GRID1: variants seen among roughly 807,000 people sequenced by gnomAD.
GRID1 encodes glutamate ionotropic receptor delta type subunit 1.
GRID1 carries 28 observed loss-of-function variants against 98.0 expected under a neutral mutation model. That is an observed-to-expected ratio of 0.29 (90% CI 0.21 to 0.39). GRID1 has a LOEUF of 0.39. Among genes scored for constraint, GRID1 ranks in the 10% least tolerant of loss-of-function variants. The pLI, the probability that GRID1 is intolerant of heterozygous loss-of-function variation, is 1.00. For missense variants in GRID1, 1,111 were observed against 1,340.5 expected (o/e 0.83, Z 2.67); for synonymous variants, 553 against 538.5 (o/e 1.03, Z -0.37).
At chr10:86,205,307 G>T (rs1203325762) in intron 3 of GRID1, among the ~76,000 whole-genome samples, 1 of 152,192 alleles carries the variant, frequency 6.6e-6, no homozygotes, top group African/African-American at 2.4e-5. Context: ...CAGCCGTGGG[G>T]CTGCCAACCC....
At chr10:85,786,416 T>A (rs1842429696) in intron 8 of GRID1, among the ~76,000 whole-genome samples, 1 of 152,204 alleles carries the variant, frequency 6.6e-6, no homozygotes, top group African/African-American at 2.4e-5. Flanking sequence ...CACTAAACTC[T>A]AGCATTGATG....
At chr10:86,062,388 G>T (rs549351844) in intron 4 of GRID1, among the ~76,000 whole-genome samples, 7 of 152,048 alleles carry the variant, frequency 4.6e-5, no homozygotes, top group African/African-American at 1.4e-4. Flanking sequence ...CCCGGAGCTC[G>T]GTCTGACATC....
intron 8 of GRID1, among the ~76,000 whole-genome samples, chr10:85,779,797 T>G (rs1447474806): frequency 3.3e-5 from 5 of 152,096 alleles, no homozygotes; most frequent in Non-Finnish European, 5.9e-5. Flanking sequence ...AATGCAGCCC[T>G]GTGGAGATGA....
At chr10:86,110,560 C>A (rs1844465484) in intron 4 of GRID1, among the ~76,000 whole-genome samples, 1 of 152,152 alleles carries the variant, frequency 6.6e-6, no homozygotes, top group Non-Finnish European at 1.5e-5. Flanking sequence ...ACCCAGAAGC[C>A]TGGGGCTCAC....
rs1476225103 is a variant in GRID1 at position 86,023,656 on chromosome 10, C to G, written c.727-107417G>C. ...CCCAGCATGCCCAAGGCCAGACTCA[C>G]CACCTCCCCCTGACCAAACACATTC... On this transcript the variant is annotated intron_variant, in intron 4 of 15. Coordinates refer to ENST00000327946, the MANE Select transcript of GRID1 (RefSeq NM_017551.3). Among the ~76,000 whole-genome samples the G allele has an allele frequency of 4.6e-5, 7 of 152,264 alleles. No homozygotes were observed. In the East Asian group the frequency reaches 1.4e-3, roughly 29 times the overall value.
intron 12 of GRID1, among the ~76,000 whole-genome samples, chr10:85,679,479 A>C (rs1454484035): frequency 6.6e-6 from 1 of 152,216 alleles, no homozygotes; most frequent in African/African-American, 2.4e-5. Context: ...GCTGTTCCTC[A>C]ACCCAACCTA....
chr10:86,046,973 C>T (rs1367379297), intron 4 of GRID1, among the ~76,000 whole-genome samples: 3 of 152,160 alleles, frequency 2.0e-5, no homozygotes, highest in Non-Finnish European at 4.4e-5. Flanking sequence ...ACATGCGCTC[C>T]CCCAGCTCTC....
intron 3 of GRID1, among the ~76,000 whole-genome samples, chr10:86,170,188 C>G (rs1027345469): frequency 1.3e-5 from 2 of 152,206 alleles, no homozygotes; most frequent in African/African-American, 4.8e-5. Flanking sequence ...GTGGCTCTGG[C>G]CCAGCCCACA....
rs145235651 is a variant in GRID1, at chr10:85,781,842, C to T, written c.1234-52228G>A. On this transcript the variant is annotated intron_variant, in intron 8 of 15. Coordinates refer to ENST00000327946, the MANE Select transcript of GRID1 (RefSeq NM_017551.3). ...AACCAAAAACTAGTTCAAGATCACA[C>T]AGTCAGTAACTTGCTGGGCCTGGAT... is the stretch of plus-strand genomic sequence containing the variant. Among the ~76,000 whole-genome samples the T allele has an allele frequency of 1.9e-3, 283 of 150,932 alleles. 2 individuals carry two copies. The highest frequency in any genetic ancestry group is 5.7e-3 in the African/African-American group (233 of 41,186).
intron 2 of GRID1, among the ~76,000 whole-genome samples, chr10:86,319,893 TA>T (rs1847946744): frequency 6.6e-6 from 1 of 152,216 alleles, no homozygotes; most frequent in Non-Finnish European, 1.5e-5. Flanking sequence ...CAAGCAGCTG[TA>T]CCAGGAGCTC....
At chr10:85,712,272 G>A (rs890361714) in intron 12 of GRID1, among the ~76,000 whole-genome samples, 8 of 151,774 alleles carry the variant, frequency 5.3e-5, no homozygotes, top group Non-Finnish European at 1.5e-5. Context: ...GTGCCTCACT[G>A]TGGATTCAGA....
At position 85,915,367 on chromosome 10, in the gene GRID1, TAC is replaced by T. The variant is rs368370327; in HGVS notation, c.780+817_780+818del. ...TCATGCACACACACTCATACATACATACACACTCACATGCACACATAAAATTT... is the reference window on the plus strand; with the variant it reads ...TCATGCACACACACTCATACATACATACACTCACATGCACACATAAAATTT... On this transcript the variant is annotated intron_variant, in intron 5 of 15. Transcript: ENST00000327946. Among the ~76,000 whole-genome samples the T allele has an allele frequency of 4.5e-3, 689 of 152,010 alleles. 9 individuals are homozygous for T. The highest frequency in any genetic ancestry group is 0.015 in the African/African-American group (607 of 41,450).
At chr10:85,947,542 T>C (rs1842068601) in intron 4 of GRID1, among the ~76,000 whole-genome samples, 1 of 152,212 alleles carries the variant, frequency 6.6e-6, no homozygotes, top group East Asian at 1.9e-4. Flanking sequence ...CCAGGGGCAC[T>C]GTGGTCACCA....
At chr10:86,077,117 G>A (rs1038131497) in intron 4 of GRID1, among the ~76,000 whole-genome samples, 6 of 136,878 alleles carry the variant, frequency 4.4e-5, no homozygotes, top group African/African-American at 1.4e-4. Flanking sequence ...GACAAACGAG[G>A]AGCCTTCCGC....
chr10:85,774,699 T>C (rs1273891136), intron 8 of GRID1, among the ~76,000 whole-genome samples: 1 of 151,442 alleles, frequency 6.6e-6, no homozygotes, highest in Non-Finnish European at 1.5e-5. Flanking sequence ...AGAAGACATT[T>C]ATGCAGCCAA....
At chr10:85,990,873 T>C (rs1032109670) in intron 4 of GRID1, among the ~76,000 whole-genome samples, 2 of 152,182 alleles carry the variant, frequency 1.3e-5, no homozygotes, top group African/African-American at 2.4e-5. Context: ...ACTTTTTTTT[T>C]CCTTCAGTCA....
intron 8 of GRID1, among the ~76,000 whole-genome samples, chr10:85,791,691 C>T (rs1296586248): frequency 1.3e-5 from 2 of 152,204 alleles, no homozygotes; most frequent in East Asian, 3.9e-4. Flanking sequence ...GGAATTATCT[C>T]TTAGGGGAAA....
At chr10:86,050,920 G>T (rs1356231913) in intron 4 of GRID1, among the ~76,000 whole-genome samples, 1 of 150,830 alleles carries the variant, frequency 6.6e-6, no homozygotes, top group African/African-American at 2.4e-5. Context: ...AAGAATAGCT[G>T]GAGGTGCACA....
At chr10:85,746,263 C>T (rs946502842) in intron 8 of GRID1, among the ~76,000 whole-genome samples, 1 of 152,048 alleles carries the variant, frequency 6.6e-6, no homozygotes, top group South Asian at 2.1e-4. Context: ...CTAAATGGTA[C>T]GAGTCTTTGG....
Sources: allele counts gnomAD v4.1 joint callset (sites outside exome capture counted in the v4.1 genomes callset), GRCh38; gene constraint gnomAD v4.1.1; transcripts MANE v1.5; gene names NCBI Gene and HGNC (gene_info 2026-07-23, HGNC 2026-07-21).